CSMD2: variants seen among roughly 807,000 people sequenced by gnomAD.
CSMD2 encodes CUB and sushi domain-containing protein 2.
A neutral mutation model predicts 398.5 loss-of-function variants in CSMD2; 130 were observed. That is an observed-to-expected ratio of 0.33 (90% CI 0.28 to 0.38). The LOEUF (loss-of-function observed/expected upper bound fraction) is 0.38. CSMD2 is among the 10% of genes least tolerant of loss of function. The probability of loss-of-function intolerance (pLI) is 1.00; values close to 1 mark genes in which losing one functional copy is unlikely to be tolerated. For missense variants in CSMD2, 3,829 were observed against 4,764.9 expected, an observed-to-expected ratio of 0.80 and a Z score of 5.78; for synonymous variants, 1,828 against 1,908.5, an observed-to-expected ratio of 0.96 and a Z score of 1.10.
chr1:33,669,880 T>C (rs1644435509), intron 25 of CSMD2, among the ~76,000 whole-genome samples: 1 of 152,116 alleles, frequency 6.6e-6, no homozygotes, highest in African/African-American at 2.4e-5. Flanking sequence ...AAGTAATGTG[T>C]CTGCAACACA....
intron 3 of CSMD2, among the ~76,000 whole-genome samples, chr1:34,012,248 G>A (rs576432760): frequency 6.6e-6 from 1 of 151,938 alleles, no homozygotes; most frequent in Non-Finnish European, 1.5e-5. Context: ...TCCCGCTGCC[G>A]GGACACTCTT....
chr1:33,830,988 A>T (rs539911519), intron 6 of CSMD2, among the ~76,000 whole-genome samples: 2 of 152,328 alleles, frequency 1.3e-5, no homozygotes, highest in Admixed American at 1.3e-4. Flanking sequence ...ACGAACAAAG[A>T]TTCCAAGAAA....
At chr1:33,812,443 C>A (rs2124967943) in intron 9 of CSMD2, among the ~76,000 whole-genome samples, 1 of 152,372 alleles carries the variant, frequency 6.6e-6, no homozygotes, top group East Asian at 1.9e-4. Flanking sequence ...TTGAACAAGT[C>A]CTGGGGGAAC....
At chr1:34,002,558 A>C (rs192461730) in intron 3 of CSMD2, among the ~76,000 whole-genome samples, 4 of 152,320 alleles carry the variant, frequency 2.6e-5, no homozygotes, top group Admixed American at 2.6e-4. Flanking sequence ...GGGGCGACTT[A>C]AGTGCTTAAT....
chr1:33,829,334 C>T lies in CSMD2; in HGVS notation c.1034-3560G>A, dbSNP rs140033332. 1.5e-3 allele frequency among the ~76,000 whole-genome samples: 225 copies of T among 152,300 alleles called. 1 individual carries two copies. The highest frequency in any genetic ancestry group is 5.3e-3 in the African/African-American group (222 of 41,548). ...TAGGCAAGATCCACATCACCAGGAA[C>T]ATTAGCATTTTTTTTTAGATTAAAT... On this transcript the variant is annotated intron_variant, in intron 6 of 70. Coordinates refer to ENST00000373381, the MANE Select transcript of CSMD2 (RefSeq NM_001281956.2).
At chr1:33,724,487 C>T in intron 18 of CSMD2, 29 bp downstream of exon 18, 1 of 1,604,682 alleles carries the variant, frequency 6.2e-7, no homozygotes, top group Non-Finnish European at 8.5e-7. Flanking sequence ...GAGTCTGCTA[C>T]TTTAGCGCCC....
At chr1:33,654,084 G>T (rs1304267051) in intron 27 of CSMD2, among the ~76,000 whole-genome samples, 1 of 152,126 alleles carries the variant, frequency 6.6e-6, no homozygotes, top group Non-Finnish European at 1.5e-5. Context: ...GGCCATAAGA[G>T]CCCTAATGTG....
At chr1:33,823,835 C>A (rs1214045306) in intron 7 of CSMD2, among the ~76,000 whole-genome samples, 1 of 152,194 alleles carries the variant, frequency 6.6e-6, no homozygotes, top group Non-Finnish European at 1.5e-5. Context: ...AGAGCATTTG[C>A]ATTCTTTCAT....
chr1:33,540,922 T>G (rs1305000607), intron 59 of CSMD2, among the ~76,000 whole-genome samples: 2 of 152,174 alleles, frequency 1.3e-5, no homozygotes, highest in Non-Finnish European at 2.9e-5. Flanking sequence ...GACCCTCCCC[T>G]CAATGTTCAT....
chr1:33,522,947 A>G (rs1354442679), intron 67 of CSMD2, among the ~76,000 whole-genome samples: 1 of 152,226 alleles, frequency 6.6e-6, no homozygotes, highest in Non-Finnish European at 1.5e-5. Flanking sequence ...AGTTCAATGT[A>G]GTCATGTGAG....
rs936900076 is a variant in CSMD2 at position 33,929,432 on chromosome 1, CTTTTTTTTTT to C, written c.712+6318_712+6327del. On this transcript the variant is annotated intron_variant, in intron 4 of 70. Coordinates refer to ENST00000373381, the MANE Select transcript of CSMD2 (RefSeq NM_001281956.2). ...TCCTGAACTCAGAACCAAGCCTATACTTTTTTTTTTTTTTTTTTTTTTTGAGATAGAGTCT... is the reference window on the plus strand; with the variant it reads ...TCCTGAACTCAGAACCAAGCCTATACTTTTTTTTTTTTTGAGATAGAGTCT... Among the ~76,000 whole-genome samples, 11 of 100,648 alleles carry C rather than the reference CTTTTTTTTTT, an allele frequency of 1.1e-4. 1 individual carries two copies. Among genetic ancestry groups the C allele is most frequent in the African/African-American group, 3.6e-4 (8 of 22,506 alleles). The allele number at this position is 100,648 out of a possible 152,430, so 66.0% of individuals were successfully genotyped here. A position where few individuals can be genotyped will look rare whatever the true frequency, so the allele number is the denominator to read the frequency against.
chr1:33,801,790 GGACCA>G (rs1436621875), intron 10 of CSMD2, among the ~76,000 whole-genome samples: 1 of 152,168 alleles, frequency 6.6e-6, no homozygotes, highest in African/African-American at 2.4e-5. Flanking sequence ...AGGCACACTG[GGACCA>G]GATGTGCCCA....
chr1:33,950,629 G>A (rs1290525833), intron 3 of CSMD2, among the ~76,000 whole-genome samples: 3 of 152,172 alleles, frequency 2.0e-5, no homozygotes, highest in Non-Finnish European at 2.9e-5. Context: ...TGGCATAGTT[G>A]GGCAAGATGA....
chr1:33,976,181 T>C (rs577095393), intron 3 of CSMD2, among the ~76,000 whole-genome samples: 2 of 152,280 alleles, frequency 1.3e-5, no homozygotes, highest in Admixed American at 6.5e-5. Context: ...CAGGTCTCCA[T>C]TGCCATGGTG....
chr1:33,542,558 A>G (rs923268385), intron 58 of CSMD2, among the ~76,000 whole-genome samples, 162 bp downstream of exon 58: 5 of 152,244 alleles, frequency 3.3e-5, no homozygotes, highest in Non-Finnish European at 7.3e-5. Flanking sequence ...AGTGGCTGCC[A>G]CATAGCATAT....
intron 25 of CSMD2, among the ~76,000 whole-genome samples, chr1:33,685,688 C>T (rs919679128): frequency 6.6e-6 from 1 of 152,194 alleles, no homozygotes; most frequent in African/African-American, 2.4e-5. Flanking sequence ...CATACCTTTG[C>T]TCTCTTACCC....
At chr1:33,940,939 T>C (rs192463558) in intron 3 of CSMD2, among the ~76,000 whole-genome samples, 16 of 152,264 alleles carry the variant, frequency 1.1e-4, no homozygotes, top group African/African-American at 2.4e-4. Context: ...ACATAGGAGA[T>C]TGGAGATAAG....
intron 13 of CSMD2, among the ~76,000 whole-genome samples, chr1:33,764,819 AATG>A (rs754951350): frequency 7.2e-5 from 11 of 152,222 alleles, no homozygotes; most frequent in Non-Finnish European, 1.0e-4. Context: ...GGCCAAGGGA[AATG>A]ATGTTTGAAA....
intron 1 of CSMD2, among the ~76,000 whole-genome samples, chr1:34,119,839 C>G (rs1274472641): frequency 6.6e-6 from 1 of 152,018 alleles, no homozygotes; most frequent in African/African-American, 2.4e-5. Context: ...AATGGTACAG[C>G]TGCTATAAAA....
Sources: gnomAD v4.1 joint callset for allele counts (sites outside exome capture counted in the v4.1 genomes callset) on GRCh38, gnomAD v4.1.1 for gene constraint, MANE v1.5 for transcripts, NCBI Gene and HGNC (gene_info 2026-07-23, HGNC 2026-07-21) for gene names.